Variants in EPS15L1 observed in about 807,000 individuals in gnomAD.
EPS15L1 encodes the protein epidermal growth factor receptor pathway substrate 15 like 1.
A neutral mutation model predicts 117.1 loss-of-function variants in EPS15L1; 43 were observed. The observed-to-expected ratio is 0.37, with a 90% confidence interval of 0.29 to 0.47. The LOEUF is 0.47. Among genes scored for constraint, EPS15L1 ranks in the 20% least tolerant of loss-of-function variants. EPS15L1 has a pLI of 0.99. For synonymous variants in EPS15L1, 459 were observed against 470.5 expected, an observed-to-expected ratio of 0.98 and a Z score of 0.32; for missense variants, 981 against 1,164.0, an observed-to-expected ratio of 0.84 and a Z score of 2.29.
chr19:16,374,868 CAT>C (rs1165436305), intron 22 of EPS15L1, among the ~76,000 whole-genome samples: 7 of 152,216 alleles, frequency 4.6e-5, no homozygotes, highest in African/African-American at 7.2e-5. Flanking sequence ...CACACGCACG[CAT>C]ATGTGTGTGC....
intron 22 of EPS15L1, among the ~76,000 whole-genome samples, chr19:16,364,294 C>A (rs1053026370): frequency 1.3e-5 from 2 of 152,318 alleles, no homozygotes; most frequent in South Asian, 2.1e-4. Context: ...TGCTGGAGAC[C>A]CTTCCCTAGA....
chr19:16,415,566 C>T (rs1008732852), intron 12 of EPS15L1, among the ~76,000 whole-genome samples: 4 of 152,204 alleles, frequency 2.6e-5, no homozygotes, highest in Admixed American at 6.5e-5. Context: ...AACTGAAGGA[C>T]CTGACATGCC....
intron 22 of EPS15L1, among the ~76,000 whole-genome samples, chr19:16,373,826 A>C (rs59033629): frequency 6.6e-6 from 1 of 152,178 alleles, no homozygotes; most frequent in Admixed American, 6.5e-5. Flanking sequence ...GGGTCAACTC[A>C]GTGTTTGGAC....
chr19:16,371,481 C>T lies in EPS15L1; in HGVS notation c.2380+5641G>A, dbSNP rs777016752. Among the ~76,000 whole-genome samples, 11 of 152,070 alleles carry T rather than the reference C, an allele frequency of 7.2e-5. No individual in the cohort carries two copies. The highest frequency in any genetic ancestry group is 5.8e-4 in the East Asian group (3 of 5,194). Reference sequence around the variant, plus strand: ...CGTTAGTGCAACTGTGGGGAGGGGGCGAAAAGACATGCTCATCACCATCAC... The same window carrying T: ...CGTTAGTGCAACTGTGGGGAGGGGGTGAAAAGACATGCTCATCACCATCAC... On this transcript the variant is annotated intron_variant, in intron 22 of 23. Transcript: ENST00000455140. This position sits in a 1 kb window ranked among gnomAD's most constrained non-coding sequence, Gnocchi z 4.7.
At chr19:16,411,593 T>C (rs1435960648) in intron 13 of EPS15L1, among the ~76,000 whole-genome samples, 2 of 152,210 alleles carry the variant, frequency 1.3e-5, no homozygotes, top group Non-Finnish European at 2.9e-5. Flanking sequence ...TACATAGCCA[T>C]CCTTCAGATT....
intron 23 of EPS15L1, chr19:16,357,274 T>A (rs1198084673): frequency 6.6e-6 from 1 of 152,208 alleles, no homozygotes; most frequent in Non-Finnish European, 1.5e-5. Flanking sequence ...TCTAGACTTT[T>A]TCCCCCCCAG....
chr19:16,380,166 G>T (rs2092345165), intron 21 of EPS15L1, among the ~76,000 whole-genome samples: 1 of 152,070 alleles, frequency 6.6e-6, no homozygotes, highest in Admixed American at 6.5e-5. Flanking sequence ...TAAGGCTCCA[G>T]CATCTAGTCA....
Position 16,388,829 on chromosome 19 carries a change from A to AAAAC in EPS15L1, c.2104-2602_2104-2599dup, listed in dbSNP as rs529060341. On this transcript the variant is annotated intron_variant, in intron 19 of 23. Transcript: ENST00000455140. ...GCAACAGAGCAAACTCTGTCTCAAA[A>AAAAC]AAACAAACAAACAAACAAACAAAAA... Among the ~76,000 whole-genome samples, 227 of 152,248 alleles carry AAAAC rather than the reference A, an allele frequency of 1.5e-3. No homozygotes were observed. The East Asian group carries it at 0.018, about 12-fold the overall frequency.
intron 15 of EPS15L1, among the ~76,000 whole-genome samples, chr19:16,403,468 T>C (rs1473350794): frequency 6.6e-6 from 1 of 152,150 alleles, no homozygotes; most frequent in Non-Finnish European, 1.5e-5. Context: ...ATTAATTAAG[T>C]GTTCCCACCC....
At chr19:16,390,080 T>C (rs146481830) in intron 19 of EPS15L1, among the ~76,000 whole-genome samples, 233 of 152,228 alleles carry the variant, frequency 1.5e-3, no homozygotes, top group African/African-American at 5.4e-3. Flanking sequence ...CAGGGACTTC[T>C]GACTGGATTT....
intron 7 of EPS15L1, among the ~76,000 whole-genome samples, chr19:16,433,154 G>C (rs2092945961): frequency 6.7e-6 from 1 of 148,172 alleles, no homozygotes; most frequent in Admixed American, 6.7e-5. Context: ...TTGAGACAGA[G>C]TCTCGCTCTG....
chr19:16,405,347 T>G lies in EPS15L1; in HGVS notation c.1267-598A>C, dbSNP rs969235848. On this transcript the variant is annotated intron_variant, in intron 13 of 23. Transcript: ENST00000455140. This position sits in a 1 kb window ranked among gnomAD's most constrained non-coding sequence, Gnocchi z 4.0. ...ACCCCACAGGCCACGCCAAGGAGACTGCGCTGGGCTCTGTGGTGGGGAGCC... is the reference window on the plus strand; with the variant it reads ...ACCCCACAGGCCACGCCAAGGAGACGGCGCTGGGCTCTGTGGTGGGGAGCC... 1.3e-5 allele frequency among the ~76,000 whole-genome samples: 2 copies of G among 152,144 alleles called. No individual in the cohort carries two copies. Among genetic ancestry groups the G allele is most frequent in the African/African-American group, 4.8e-5 (2 of 41,438 alleles).
At chr19:16,357,394 G>GCTGA (rs2091995560) in intron 23 of EPS15L1, 1 of 152,470 alleles carries the variant, frequency 6.6e-6, no homozygotes, top group Non-Finnish European at 1.5e-5. Context: ...ATGAAGCGTG[G>GCTGA]GGTGGGATAA....
At chr19:16,452,405 T>C (rs1321778753) in intron 1 of EPS15L1, among the ~76,000 whole-genome samples, 2 of 145,312 alleles carry the variant, frequency 1.4e-5, no homozygotes, top group Non-Finnish European at 3.0e-5. Context: ...GAGATTATGC[T>C]ACTGCACTCC....
At chr19:16,426,349 T>C (rs2092872207) in intron 8 of EPS15L1, among the ~76,000 whole-genome samples, 1 of 152,174 alleles carries the variant, frequency 6.6e-6, no homozygotes, top group Non-Finnish European at 1.5e-5. Context: ...AATGTCCACG[T>C]TGAAACCAGG....
intron 9 of EPS15L1, among the ~76,000 whole-genome samples, chr19:16,424,453 C>T (rs1197126452): frequency 2.6e-5 from 4 of 151,956 alleles, no homozygotes; most frequent in Admixed American, 2.6e-4. Flanking sequence ...GAGTTTGGCC[C>T]CACTAGCTTC....
At chr19:16,457,359 G>C (rs987326899) in intron 1 of EPS15L1, among the ~76,000 whole-genome samples, 6 of 152,168 alleles carry the variant, frequency 3.9e-5, no homozygotes, top group Non-Finnish European at 8.8e-5. Context: ...CCAGTCCGCA[G>C]CCAGCAGCAG....
At chr19:16,451,958 G>A (rs2093148159) in intron 1 of EPS15L1, among the ~76,000 whole-genome samples, 3 of 149,240 alleles carry the variant, frequency 2.0e-5, no homozygotes, top group African/African-American at 7.4e-5. Context: ...CCAACATGGT[G>A]AAACCCTGTC....
intron 12 of EPS15L1, among the ~76,000 whole-genome samples, chr19:16,414,712 GTTTT>G (rs562460865): frequency 7.9e-6 from 1 of 127,070 alleles, no homozygotes. Context: ...TTTTGGTTTT[GTTTT>G]TTTTTTTTTT....
Sources: gnomAD v4.1 joint callset for allele counts (sites outside exome capture counted in the v4.1 genomes callset) on GRCh38, gnomAD v4.1.1 for gene constraint, Gnocchi (gnomAD v3.1) non-coding constraint, MANE v1.5 for transcripts, NCBI Gene and HGNC (gene_info 2026-07-23, HGNC 2026-07-21) for gene names.